Variants in GMDS observed in about 807,000 individuals in gnomAD.
The protein encoded by GMDS is GDP-mannose 4,6 dehydratase.
Under a neutral mutation model 49.9 loss-of-function variants are expected in GMDS, and 20 were observed. The ratio of observed to expected loss-of-function variants is 0.40; its 90% confidence interval spans 0.28 to 0.58. The LOEUF (loss-of-function observed/expected upper bound fraction) is 0.58. Ranked by LOEUF, GMDS falls within the 20% of genes least tolerant of loss-of-function variation. The pLI is 0.42. For synonymous variants in GMDS, 177 were observed against 178.6 expected (o/e 0.99, Z 0.07); for missense variants, 362 against 481.4 (o/e 0.75, Z 2.32).
At chr6:1,966,478 C>T (rs1006058607) in intron 4 of GMDS, among the ~76,000 whole-genome samples, 2 of 152,122 alleles carry the variant, frequency 1.3e-5, no homozygotes, top group Admixed American at 1.3e-4. Context: ...TTTCTTTCCA[C>T]TCGATTGGCA....
At chr6:1,869,109 C>T (rs1340577199) in intron 7 of GMDS, among the ~76,000 whole-genome samples, 1 of 152,202 alleles carries the variant, frequency 6.6e-6, no homozygotes, top group Non-Finnish European at 1.5e-5. Context: ...GATGAGGCAA[C>T]TGCAGCAGGA....
intron 7 of GMDS, among the ~76,000 whole-genome samples, chr6:1,767,787 C>T (rs1768416126): frequency 6.6e-6 from 1 of 152,168 alleles, no homozygotes; most frequent in Non-Finnish European, 1.5e-5. Flanking sequence ...CACTGCCTAA[C>T]TAAATTAGCA....
At chr6:2,091,790 C>A (rs1392863928) in intron 4 of GMDS, among the ~76,000 whole-genome samples, 5 of 151,944 alleles carry the variant, frequency 3.3e-5, no homozygotes, top group African/African-American at 1.2e-4. Context: ...GTGGTCCCAG[C>A]TACTCGGGAG....
At chr6:2,039,562 A>G (rs920226259) in intron 4 of GMDS, among the ~76,000 whole-genome samples, 2 of 152,134 alleles carry the variant, frequency 1.3e-5, no homozygotes, top group African/African-American at 4.8e-5. Flanking sequence ...CTTATTCTAT[A>G]AGGTTTTTTT....
At chr6:1,891,722 G>T (rs1458786967) in intron 7 of GMDS, among the ~76,000 whole-genome samples, 1 of 152,112 alleles carries the variant, frequency 6.6e-6, no homozygotes, top group African/African-American at 2.4e-5. Context: ...CACATTCGTG[G>T]GTCCCACCCA....
rs1443888052 is a variant in GMDS at position 2,027,654 on chromosome 6, T to C, written c.346-66688A>G. 2.0e-5 allele frequency among the ~76,000 whole-genome samples: 3 copies of C among 152,046 alleles called. No homozygotes were observed. In the East Asian group the frequency reaches 5.8e-4, roughly 29 times the overall value. ...AGGAAGATTCTTCCAGAAACAAATG[T>C]AAGGAAATAGCAGAGTACAAGACAG... On this transcript the variant is annotated intron_variant, in intron 4 of 10. Coordinates refer to ENST00000380815, the MANE Select transcript of GMDS (RefSeq NM_001500.4).
chr6:1,761,648 G>C (rs951972328), intron 7 of GMDS, among the ~76,000 whole-genome samples: 4 of 152,096 alleles, frequency 2.6e-5, no homozygotes, highest in Non-Finnish European at 4.4e-5. Context: ...ATTTAATGTT[G>C]TATTTTTTTT....
At chr6:2,015,689 C>T (rs1174772134) in intron 4 of GMDS, among the ~76,000 whole-genome samples, 2 of 152,084 alleles carry the variant, frequency 1.3e-5, no homozygotes, top group Non-Finnish European at 2.9e-5. Context: ...CACTGGATGC[C>T]TGAAACTGCA....
chr6:2,073,263 C>G (rs575956948), intron 4 of GMDS, among the ~76,000 whole-genome samples: 2 of 152,290 alleles, frequency 1.3e-5, no homozygotes, highest in South Asian at 4.1e-4. Context: ...GAGCATCAGT[C>G]TGCAGAATAA....
intron 3 of GMDS, 78 bp downstream of exon 3, chr6:2,117,391 T>G (rs1459071138): frequency 1.2e-6 from 1 of 862,324 alleles, no homozygotes; most frequent in Non-Finnish European, 2.0e-6. Flanking sequence ...AAATGACATT[T>G]GAAAACACCT....
chr6:2,182,992 G>C (rs1403871011), intron 1 of GMDS, among the ~76,000 whole-genome samples: 1 of 152,156 alleles, frequency 6.6e-6, no homozygotes, highest in East Asian at 1.9e-4. Context: ...ACAGGTGTGA[G>C]CCACCACGCC....
At chr6:1,911,570 G>A (rs896377869) in intron 7 of GMDS, among the ~76,000 whole-genome samples, 2 of 150,248 alleles carry the variant, frequency 1.3e-5, no homozygotes, top group Admixed American at 6.6e-5. Flanking sequence ...AAAAAAAGCC[G>A]TGGAATTTGT....
chr6:1,660,664 C>A (rs945921460), intron 9 of GMDS, among the ~76,000 whole-genome samples: 1 of 149,778 alleles, frequency 6.7e-6, no homozygotes, highest in Non-Finnish European at 1.5e-5. Context: ...TGCAGATCAA[C>A]TGAATAAGAG....
intron 8 of GMDS, among the ~76,000 whole-genome samples, chr6:1,727,755 G>A (rs1766646365): frequency 6.6e-6 from 1 of 152,040 alleles, no homozygotes; most frequent in Admixed American, 6.5e-5. Flanking sequence ...GTAGCAAAGG[G>A]GAAATATTTC....
intron 1 of GMDS, among the ~76,000 whole-genome samples, chr6:2,181,927 G>C (rs886958038): frequency 6.6e-4 from 101 of 152,330 alleles, no homozygotes; most frequent in African/African-American, 2.3e-3. Flanking sequence ...ATTAAGCTTA[G>C]GGAGAAAGAC....
intron 7 of GMDS, among the ~76,000 whole-genome samples, chr6:1,924,585 T>G (rs932240173): frequency 6.6e-6 from 1 of 152,234 alleles, no homozygotes; most frequent in African/African-American, 2.4e-5. Flanking sequence ...GTGTTTCACA[T>G]ATTTATATCA....
chr6:1,681,538 G>A (rs950157639), intron 9 of GMDS, among the ~76,000 whole-genome samples: 7 of 152,144 alleles, frequency 4.6e-5, no homozygotes, highest in South Asian at 2.1e-4. Flanking sequence ...AGACCCAGGC[G>A]CACAGTGGGA....
chr6:1,798,116 G>A (rs574303560), intron 7 of GMDS, among the ~76,000 whole-genome samples: 3 of 152,272 alleles, frequency 2.0e-5, no homozygotes, highest in Admixed American at 1.3e-4. Context: ...TTCGATCTCA[G>A]TTTGTACCAG....
At chr6:2,057,270 A>AG (rs1397791340) in intron 4 of GMDS, among the ~76,000 whole-genome samples, 6 of 152,240 alleles carry the variant, frequency 3.9e-5, no homozygotes, top group East Asian at 3.9e-4. Context: ...TCCCAGGGAG[A>AG]GGTCTCATGA....
Sources: gnomAD v4.1 joint callset for allele counts (sites outside exome capture counted in the v4.1 genomes callset) on GRCh38, gnomAD v4.1.1 for gene constraint, MANE v1.5 for transcripts, NCBI Gene and HGNC (gene_info 2026-07-23, HGNC 2026-07-21) for gene names.